GABBR2: variants seen among roughly 807,000 people sequenced by gnomAD.
GABBR2 encodes the protein gamma-aminobutyric acid type B receptor subunit 2.
In GABBR2, 23 loss-of-function variants were observed where a neutral mutation model predicts 105.6. The ratio of observed to expected loss-of-function variants is 0.22; its 90% CI spans 0.16 to 0.31. The LOEUF (loss-of-function observed/expected upper bound fraction) is 0.31, where lower values mean the gene tolerates loss of function less well. Ranked by LOEUF, GABBR2 falls within the 10% of genes least tolerant of loss-of-function variation. The pLI, the probability that GABBR2 is intolerant of heterozygous loss-of-function variation, is 1.00. For synonymous variants in GABBR2, 478 were observed against 499.7 expected (o/e 0.96, Z 0.58); for missense variants, 734 against 1,245.5 (o/e 0.59, Z 6.18).
At chr9:98,534,883 C>A (rs1026681573) in intron 3 of GABBR2, among the ~76,000 whole-genome samples, 5 of 152,154 alleles carry the variant, frequency 3.3e-5, no homozygotes, top group Non-Finnish European at 7.4e-5. Context: ...TGGTATTTAC[C>A]CAAAGAGCTG....
chr9:98,573,729 T>A (rs1828869640), intron 2 of GABBR2, among the ~76,000 whole-genome samples: 1 of 152,244 alleles, frequency 6.6e-6, no homozygotes. Flanking sequence ...TGTAGAACAG[T>A]GTTTCTCAAC....
chr9:98,421,943 G>A (rs1468899482), intron 7 of GABBR2, among the ~76,000 whole-genome samples: 1 of 152,140 alleles, frequency 6.6e-6, no homozygotes, highest in African/African-American at 2.4e-5. Context: ...AACTTCCAAA[G>A]CACAAACCGT....
At chr9:98,542,554 T>G (rs1419105147) in intron 2 of GABBR2, among the ~76,000 whole-genome samples, 1 of 152,250 alleles carries the variant, frequency 6.6e-6, no homozygotes, top group Non-Finnish European at 1.5e-5. Flanking sequence ...TACAGGCATC[T>G]TTGTACATAG....
chr9:98,474,259 T>A (rs1476874297), intron 5 of GABBR2, among the ~76,000 whole-genome samples: 1 of 152,172 alleles, frequency 6.6e-6, no homozygotes, highest in Non-Finnish European at 1.5e-5. Context: ...GGTACAAAGC[T>A]ACACTGCTTG....
intron 1 of GABBR2, among the ~76,000 whole-genome samples, chr9:98,688,491 TTCAA>T (rs1197638142): frequency 2.0e-5 from 3 of 151,756 alleles, no homozygotes; most frequent in Non-Finnish European, 4.4e-5. Flanking sequence ...GGTTTGGAGT[TTCAA>T]CAATTAACAG....
At chr9:98,478,645 T>C (rs1294070644) in intron 5 of GABBR2, among the ~76,000 whole-genome samples, 1 of 152,032 alleles carries the variant, frequency 6.6e-6, no homozygotes, top group Non-Finnish European at 1.5e-5. Flanking sequence ...GGTTGAAAGG[T>C]AGACAGCCAT....
At chr9:98,314,614 T>A (rs1312421965) in intron 13 of GABBR2, among the ~76,000 whole-genome samples, 1 of 152,142 alleles carries the variant, frequency 6.6e-6, no homozygotes, top group African/African-American at 2.4e-5. Context: ...CTGCTCCCGG[T>A]GAGGTAGTAC....
intron 14 of GABBR2, among the ~76,000 whole-genome samples, chr9:98,309,373 AG>A (rs1368421295): frequency 6.6e-6 from 1 of 152,268 alleles, no homozygotes. Flanking sequence ...CTCAGAATCA[AG>A]GAACATTAAG....
chr9:98,674,457 T>TG (rs5899352), intron 1 of GABBR2, among the ~76,000 whole-genome samples: 140,257 of 152,110 alleles, frequency 0.92, 64,901 homozygotes, highest in Middle Eastern at 0.97. Flanking sequence ...GCTGGGTGCC[T>TG]GGTGGGCAGT....
intron 1 of GABBR2, among the ~76,000 whole-genome samples, chr9:98,661,355 G>T (rs1478907581): frequency 6.6e-6 from 1 of 152,058 alleles, no homozygotes; most frequent in African/African-American, 2.4e-5. Flanking sequence ...GCCTTGGAGT[G>T]TTCATCTCTT....
At chr9:98,349,962 C>A (rs1276570459) in intron 13 of GABBR2, among the ~76,000 whole-genome samples, 7 of 152,148 alleles carry the variant, frequency 4.6e-5, no homozygotes, top group African/African-American at 1.4e-4. Context: ...CTATTCCTTT[C>A]CGATTCAATC....
chr9:98,358,796 A>G (rs669095), intron 13 of GABBR2, among the ~76,000 whole-genome samples: 57,870 of 151,972 alleles, frequency 0.38, 11,919 homozygotes, highest in African/African-American at 0.54. Context: ...CCTGAGAGGG[A>G]CTGTGTGTAG....
intron 3 of GABBR2, among the ~76,000 whole-genome samples, chr9:98,512,483 T>G (rs1355311490): frequency 3.9e-5 from 6 of 152,032 alleles, no homozygotes; most frequent in African/African-American, 1.5e-4. Context: ...TGTTTGCAGA[T>G]GACATGATTG....
chr9:98,611,457 GGAAT>G (rs10693570), intron 1 of GABBR2, among the ~76,000 whole-genome samples: 66,726 of 149,870 alleles, frequency 0.45, 15,164 homozygotes, highest in Middle Eastern at 0.51. Flanking sequence ...GTGCACCCGA[GGAAT>G]GAATGAATGA....
chr9:98,364,633 G>C (rs779679988), intron 12 of GABBR2, among the ~76,000 whole-genome samples: 1 of 113,314 alleles, frequency 8.8e-6, no homozygotes, highest in African/African-American at 4.1e-5. Context: ...ATCTTGCTTT[G>C]TCACTTAGGC....
intron 1 of GABBR2, among the ~76,000 whole-genome samples, chr9:98,688,341 T>C (rs1830644757): frequency 1.3e-5 from 2 of 151,204 alleles, no homozygotes; most frequent in African/African-American, 4.9e-5. Context: ...ATTTGATCAG[T>C]ATGACTTTTA....
chr9:98,486,199 G>T (rs1051640380), intron 4 of GABBR2, among the ~76,000 whole-genome samples: 1 of 152,154 alleles, frequency 6.6e-6, no homozygotes, highest in South Asian at 2.1e-4. Flanking sequence ...GCCTTGCCCC[G>T]GGTGGGTGTG....
In GABBR2 at chr9:98,464,432, C is replaced by T. The variant is rs78953688; in HGVS notation, c.999+8714G>A. On this transcript the variant is annotated intron_variant, in intron 6 of 18. Transcript: ENST00000259455. Reference sequence around the variant, plus strand: ...GGAGGAAGTGAGGAGCGCCTCTGGCCGGCTGCCCCAAATGGGAACTGAGGA... The same window carrying T: ...GGAGGAAGTGAGGAGCGCCTCTGGCTGGCTGCCCCAAATGGGAACTGAGGA... 6.1e-5 allele frequency among the ~76,000 whole-genome samples: 9 copies of T among 147,866 alleles called. No individual in the cohort carries two copies. In the South Asian group the frequency reaches 1.5e-3, roughly 25 times the overall value.
intron 1 of GABBR2, among the ~76,000 whole-genome samples, chr9:98,616,743 CT>C (rs1829591499): frequency 9.4e-6 from 1 of 106,392 alleles, no homozygotes; most frequent in Middle Eastern, 4.8e-3. Flanking sequence ...GACAGTGAGA[CT>C]CCGTCTCAAA....
Sources: gnomAD v4.1 joint callset for allele counts (sites outside exome capture counted in the v4.1 genomes callset) on GRCh38, gnomAD v4.1.1 for gene constraint, MANE v1.5 for transcripts, NCBI Gene and HGNC (gene_info 2026-07-23, HGNC 2026-07-21) for gene names.